The following ARHGAP15 variants were observed in gnomAD, a reference collection of about 807,000 sequenced individuals.
ARHGAP15 encodes the protein rho GTPase-activating protein 15.
In ARHGAP15, 51 loss-of-function variants were observed where a neutral mutation model predicts 63.7. That is an observed-to-expected ratio of 0.80 (90% CI 0.64 to 1.01). ARHGAP15 has a LOEUF of 1.01. Ranked by LOEUF, ARHGAP15 falls within the 50% of genes least tolerant of loss-of-function variation. ARHGAP15 has a pLI of 0.00. For missense variants in ARHGAP15, 560 were observed against 564.6 expected, an observed-to-expected ratio of 0.99 and a Z score of 0.08; for synonymous variants, 191 against 193.8, an observed-to-expected ratio of 0.99 and a Z score of 0.12.
chr2:143,736,394 C>CA (rs112035181), intron 13 of ARHGAP15, among the ~76,000 whole-genome samples: 2,529 of 114,802 alleles, frequency 0.022, 27 homozygotes, highest in Middle Eastern at 0.054. Flanking sequence ...GAAACTCTGT[C>CA]AAAAAAAAAA....
chr2:143,494,437 G>A (rs539127751), intron 9 of ARHGAP15, among the ~76,000 whole-genome samples: 2 of 152,186 alleles, frequency 1.3e-5, no homozygotes, highest in African/African-American at 4.8e-5. Context: ...AGTGAGGATG[G>A]CACATAGAAC....
chr2:143,367,843 G>A (rs2105349940), intron 6 of ARHGAP15, among the ~76,000 whole-genome samples: 1 of 152,014 alleles, frequency 6.6e-6, no homozygotes, highest in East Asian at 1.9e-4. Context: ...CAATTTTCCG[G>A]CCACCTTCTT....
chr2:143,208,730 C>A (rs565643259), intron 3 of ARHGAP15, among the ~76,000 whole-genome samples: 1 of 152,222 alleles, frequency 6.6e-6, no homozygotes, highest in East Asian at 1.9e-4. Context: ...TATAACTGTT[C>A]ATGAGACCTA....
At chr2:143,273,289 A>G (rs1229411594) in intron 6 of ARHGAP15, among the ~76,000 whole-genome samples, 4 of 152,186 alleles carry the variant, frequency 2.6e-5, no homozygotes, top group Non-Finnish European at 4.4e-5. Context: ...AAAAAATTCA[A>G]CAAGCTCTAA....
chr2:143,625,980 T>C (rs1178663632), intron 12 of ARHGAP15, among the ~76,000 whole-genome samples: 1 of 152,176 alleles, frequency 6.6e-6, no homozygotes, highest in South Asian at 2.1e-4. Context: ...GCTTGAGAGA[T>C]ATGGAAAGCA....
chr2:143,742,579 G>A (rs548913319), intron 13 of ARHGAP15, among the ~76,000 whole-genome samples: 2 of 152,238 alleles, frequency 1.3e-5, no homozygotes, highest in South Asian at 2.1e-4. Context: ...ATGAAAGAAA[G>A]GTTTAAAAGG....
chr2:143,243,135 A>G (rs960557298), intron 5 of ARHGAP15, among the ~76,000 whole-genome samples: 10 of 152,168 alleles, frequency 6.6e-5, no homozygotes, highest in Admixed American at 5.9e-4. Context: ...TCATCAAGCT[A>G]AAGAGCATCT....
At position 143,536,773 on chromosome 2, in the gene ARHGAP15, T is replaced by C. The variant is rs1191130979; in HGVS notation, c.925+17409T>C. Among the ~76,000 whole-genome samples the C allele has an allele frequency of 2.0e-5, 3 of 151,824 alleles. No homozygotes were observed. In the East Asian group the frequency reaches 5.8e-4, roughly 29 times the overall value. On this transcript the variant is annotated intron_variant, in intron 10 of 13. Coordinates refer to ENST00000295095, the MANE Select transcript of ARHGAP15 (RefSeq NM_018460.4). Reference sequence around the variant, plus strand: ...CACATTTTCTTAATCCAGTCTATCATTGTTGGACATTTGGGTTGGTTCCAA... The same window carrying C: ...CACATTTTCTTAATCCAGTCTATCACTGTTGGACATTTGGGTTGGTTCCAA...
At chr2:143,257,095 G>A (rs147989572) in intron 6 of ARHGAP15, among the ~76,000 whole-genome samples, 120 of 152,092 alleles carry the variant, frequency 7.9e-4, no homozygotes, top group Non-Finnish European at 2.4e-4. Flanking sequence ...TAAGTGTATC[G>A]TTAGGGAAAA....
intron 6 of ARHGAP15, among the ~76,000 whole-genome samples, chr2:143,302,091 G>A (rs1414310722): frequency 1.3e-5 from 2 of 151,812 alleles, no homozygotes; most frequent in Non-Finnish European, 2.9e-5. Context: ...TTTTAATTTC[G>A]TTAACCTCAA....
At chr2:143,244,866 G>C (rs1190384788) in intron 5 of ARHGAP15, among the ~76,000 whole-genome samples, 1 of 152,200 alleles carries the variant, frequency 6.6e-6, no homozygotes, top group Non-Finnish European at 1.5e-5. Context: ...TCATGAGATG[G>C]AGAAAAAGGA....
At chr2:143,526,314 C>G (rs570589306) in intron 10 of ARHGAP15, among the ~76,000 whole-genome samples, 2 of 152,006 alleles carry the variant, frequency 1.3e-5, no homozygotes, top group Admixed American at 6.6e-5. Context: ...AGCGGATATT[C>G]CCACACTTTA....
intron 11 of ARHGAP15, among the ~76,000 whole-genome samples, chr2:143,623,060 C>T (rs1409062816): frequency 1.3e-5 from 2 of 152,144 alleles, no homozygotes; most frequent in Non-Finnish European, 2.9e-5. Context: ...CAGTTAACCC[C>T]CAGATTGTCT....
intron 13 of ARHGAP15, among the ~76,000 whole-genome samples, chr2:143,716,999 A>G (rs1158068165): frequency 6.6e-6 from 1 of 152,234 alleles, no homozygotes; most frequent in African/African-American, 2.4e-5. Flanking sequence ...TCCATCTAAA[A>G]AGAAAAGTTT....
chr2:143,448,455 T>C (rs949392610), intron 8 of ARHGAP15, among the ~76,000 whole-genome samples: 3 of 151,882 alleles, frequency 2.0e-5, no homozygotes, highest in African/African-American at 7.3e-5. Flanking sequence ...AATTCAGAGA[T>C]CAGAGGTAAG....
intron 6 of ARHGAP15, among the ~76,000 whole-genome samples, chr2:143,411,334 T>G (rs1470639748): frequency 6.6e-6 from 1 of 152,206 alleles, no homozygotes; most frequent in Non-Finnish European, 1.5e-5. Flanking sequence ...ATTTAATAAA[T>G]TTAACAGAAA....
intron 2 of ARHGAP15, among the ~76,000 whole-genome samples, chr2:143,199,770 A>G (rs1692035632): frequency 6.6e-6 from 1 of 152,088 alleles, no homozygotes; most frequent in Admixed American, 6.6e-5. Flanking sequence ...CCTTCACCAT[A>G]TAGCCGTTTA....
chr2:143,758,905 T>G (rs1686669261), intron 13 of ARHGAP15, among the ~76,000 whole-genome samples: 1 of 152,160 alleles, frequency 6.6e-6, no homozygotes, highest in Non-Finnish European at 1.5e-5. Context: ...GCAACCTGCC[T>G]TTTAATACCT....
intron 11 of ARHGAP15, among the ~76,000 whole-genome samples, chr2:143,620,810 G>C (rs1271062049): frequency 6.6e-6 from 1 of 152,240 alleles, no homozygotes; most frequent in Non-Finnish European, 1.5e-5. Flanking sequence ...CCCTGGTACA[G>C]TGTAAGCTCT....
Sources: allele counts gnomAD v4.1 joint callset (sites outside exome capture counted in the v4.1 genomes callset), GRCh38; gene constraint gnomAD v4.1.1; transcripts MANE v1.5; gene names NCBI Gene and HGNC (gene_info 2026-07-23, HGNC 2026-07-21).